The following AP5Z1 variants were observed in gnomAD, a reference collection of about 807,000 sequenced individuals.
AP5Z1 encodes the protein adaptor related protein complex 5 subunit zeta 1, also known as AP-5 complex subunit zeta-1.
A neutral mutation model predicts 83.0 loss-of-function variants in AP5Z1; 106 were observed. That is an observed-to-expected ratio of 1.28 (90% CI 1.09 to 1.50). The LOEUF (loss-of-function observed/expected upper bound fraction) is 1.50. Ranked by LOEUF, AP5Z1 falls within the 40% of genes most tolerant of loss-of-function variation. AP5Z1 has a pLI of 0.00. For synonymous variants in AP5Z1, 751 were observed against 514.1 expected (o/e 1.46, Z -6.23); for missense variants, 1,565 against 1,094.2 (o/e 1.43, Z -6.07).
At chr7:4,787,255 G>C (rs1781576199) in intron 10 of AP5Z1, among the ~76,000 whole-genome samples, 1 of 151,990 alleles carries the variant, frequency 6.6e-6, no homozygotes, top group Non-Finnish European at 1.5e-5. Context: ...CACCTCGGGA[G>C]GCCAAGGCAG....
intron 16 of AP5Z1, 27 bp from the exon 17 acceptor site, chr7:4,791,088 G>C: frequency 1.3e-6 from 2 of 1,544,382 alleles, no homozygotes; most frequent in Non-Finnish European, 1.7e-6. Context: ...AGCATCTGCA[G>C]CTGACGGAGG....
chr7:4,788,007 C>CCCAGGCCTGGAGCCT (rs1228336057), intron 11 of AP5Z1, 147 bp from the exon 12 acceptor site: 1 of 1,323,756 alleles, frequency 7.6e-7, no homozygotes, highest in Non-Finnish European at 1.0e-6. Flanking sequence ...CGTCTTCACG[C>CCCAGGCCTGGAGCCT]CCAGGCCTGG....
intron 13 of AP5Z1, among the ~76,000 whole-genome samples, chr7:4,789,414 A>C (rs554691420): frequency 2.3e-4 from 35 of 151,970 alleles, no homozygotes; most frequent in African/African-American, 8.2e-4. Flanking sequence ...GCCAAAATAA[A>C]GGCTCCCACA....
chr7:4,788,068 G>A lies in AP5Z1; in HGVS notation c.1455-86G>A, dbSNP rs941031925. 36 of 1,443,868 alleles carry A rather than the reference G, an allele frequency of 2.5e-5. 1 individual carries two copies. In the African/African-American group the frequency reaches 4.0e-4, roughly 16 times the overall value. 89.4% of individuals were successfully genotyped at this position (1,443,868 alleles called of 1,614,324 possible). On this transcript the variant is annotated intron_variant, in intron 11 of 16. Coordinates refer to ENST00000649063, the MANE Select transcript of AP5Z1 (RefSeq NM_014855.3). Reference sequence around the variant, plus strand: ...GCACCCGAGGTGCTGTGATATTAGGGACACCTGCCGTGTGTCTCCCTGACG... The same window carrying A: ...GCACCCGAGGTGCTGTGATATTAGGAACACCTGCCGTGTGTCTCCCTGACG...
chr7:4,783,847 C>A (rs1411713654), intron 5 of AP5Z1, 49 bp downstream of exon 5: 6 of 1,514,616 alleles, frequency 4.0e-6, no homozygotes, highest in Non-Finnish European at 4.4e-6. Flanking sequence ...TCACAGACAA[C>A]CCCTCCCTGA....
intron 6 of AP5Z1, 85 bp downstream of exon 6, chr7:4,784,456 G>C: frequency 1.0e-5 from 15 of 1,440,164 alleles, no homozygotes; most frequent in Non-Finnish European, 1.4e-5. Flanking sequence ...GGGCGGAGGT[G>C]GGGGGACTCG....
chr7:4,777,602 T>A (rs999822058), intron 1 of AP5Z1, among the ~76,000 whole-genome samples: 1 of 152,152 alleles, frequency 6.6e-6, no homozygotes, highest in Admixed American at 6.5e-5. Context: ...TTGTCCAGGC[T>A]GGTCTCGAAT....
At chr7:4,786,479 G>A (rs927321562) in intron 10 of AP5Z1, 51 bp downstream of exon 10, 2 of 1,594,696 alleles carry the variant, frequency 1.3e-6, no homozygotes, top group Admixed American at 3.4e-5. Context: ...TAAGTCCCTG[G>A]GGCTCCTCCC....
rs773309482 is a variant in AP5Z1, at chr7:4,784,942, G to A, written c.825G>A (p.Ser275=). 46 of 1,611,824 alleles carry A rather than the reference G, an allele frequency of 2.9e-5. No individual in the cohort carries two copies. The highest frequency in any genetic ancestry group is 1.6e-4 in the South Asian group (15 of 90,960). The change falls in exon 7 of 17, where the codon TCG becomes TCA. Residue 275 remains serine (S), a synonymous_variant. Transcript: ENST00000649063. ...DRSEQEGSTL[S]VISATSSAGR... is the part of the protein sequence containing the mutation. ...CAGAGCAGGAGGGCTCCACTCTGTC[G>A]GTGATCTCCGCCACCTCCTCTGCCG...
Position 4,787,654 on chromosome 7 carries a change from AC to A in AP5Z1, c.1336del (p.Leu446SerfsTer31). The A allele has an allele frequency of 1.3e-6, 2 of 1,552,960 alleles. No homozygotes were observed. On this transcript the variant is annotated frameshift_variant, in exon 11 of 17. Coordinates refer to ENST00000649063, the MANE Select transcript of AP5Z1 (RefSeq NM_014855.3). LOFTEE classifies it high-confidence loss of function. ...LFKFLAWNSP[P>X]LTSEFVALLP... ...CACAGTTCCTGGCCTGGAACAGCCC[AC>A]CCCTCACCTCCGAGTTTGTGGCGCT...
At chr7:4,781,839 C>T (rs371685917) in intron 3 of AP5Z1, 85 bp downstream of exon 3, 33 of 1,394,812 alleles carry the variant, frequency 2.4e-5, no homozygotes, top group East Asian at 1.5e-4. Context: ...GCGCCAGAGC[C>T]GGCAGGTGGC....
intron 1 of AP5Z1, among the ~76,000 whole-genome samples, chr7:4,777,745 G>A (rs955958799): frequency 1.3e-5 from 2 of 152,142 alleles, no homozygotes; most frequent in South Asian, 2.1e-4. Context: ...GTGGGCAGCC[G>A]TTTTTGAGGA....
chr7:4,788,828 C>G lies in AP5Z1; in HGVS notation c.1596-12C>G. On this transcript the variant is annotated splice_polypyrimidine_tract_variant and intron_variant, in intron 12 of 16. Coordinates refer to ENST00000649063, the MANE Select transcript of AP5Z1 (RefSeq NM_014855.3). Reference sequence around the variant, plus strand: ...GGAGCGGGCAGCACTCACGGCCACACTGTGTCCTCAGGTTGGCGCCACTCC... The same window carrying G: ...GGAGCGGGCAGCACTCACGGCCACAGTGTGTCCTCAGGTTGGCGCCACTCC... The G allele has an allele frequency of 1.9e-6, 3 of 1,595,246 alleles. No individual in the cohort carries two copies. The highest frequency in any genetic ancestry group is 2.6e-6 in the Non-Finnish European group (3 of 1,171,208).
At chr7:4,789,990 T>TCCCCCCCCCCCCC in intron 14 of AP5Z1, 61 bp downstream of exon 14, 2 of 733,588 alleles carry the variant, frequency 2.7e-6, no homozygotes, top group Non-Finnish European at 1.7e-6. Context: ...CTCCTCCCCC[T>TCCCCCCCCCCCCC]CTCCCCTCCC....
rs138305170 is a variant in AP5Z1, at chr7:4,784,784, C to T, written c.791-124C>T. Reference sequence around the variant, plus strand: ...GTGGGTGGACGTCCTGAGACGGTGACGCCTCACGCCTCCCGGGAGGGGCTG... The same window carrying T: ...GTGGGTGGACGTCCTGAGACGGTGATGCCTCACGCCTCCCGGGAGGGGCTG... On this transcript the variant is annotated intron_variant, in intron 6 of 16. Coordinates refer to ENST00000649063, the MANE Select transcript of AP5Z1 (RefSeq NM_014855.3). 6.9e-4 allele frequency: 908 copies of T among 1,315,648 alleles called. 3 individuals carry two copies. The African/African-American group carries it at 9.9e-3, about 14-fold the overall frequency. 81.5% of individuals were successfully genotyped at this position (1,315,648 alleles called of 1,614,324 possible).
chr7:4,788,253 C>T lies in AP5Z1; in HGVS notation c.1554C>T (p.Phe518=), dbSNP rs77560694. 7,090 of 1,588,518 alleles carry T rather than the reference C, an allele frequency of 4.5e-3. 244 individuals carry two copies. In the African/African-American group the frequency reaches 0.079, roughly 18 times the overall value. ...AFRDPQFQGL[F]QYLLRPKASG... ...GGGACCCGCAGTTCCAGGGTCTTTT[C>T]CAATACCTGCTGCGCCCCAAGGCCA... Residue 518 remains phenylalanine (F), a synonymous_variant, in exon 12 of 17, where the codon TTC becomes TTT. Transcript: ENST00000649063.
chr7:4,792,796 G>A lies in AP5Z1; in HGVS notation c.*1411G>A, dbSNP rs1306025228. ...CGTGTACAACTGTGCATACCAAGGCGTGCGTGCCAGTGCGCGGGTCTCGGG... is the reference window on the plus strand; with the variant it reads ...CGTGTACAACTGTGCATACCAAGGCATGCGTGCCAGTGCGCGGGTCTCGGG... On this transcript the variant is annotated 3_prime_UTR_variant, in exon 17 of 17. Coordinates refer to ENST00000649063, the MANE Select transcript of AP5Z1 (RefSeq NM_014855.3). 2 of 152,332 alleles carry A rather than the reference G, an allele frequency of 1.3e-5. No homozygotes were observed. The highest frequency in any genetic ancestry group is 2.4e-5 in the African/African-American group (1 of 41,474). 9.4% of individuals were successfully genotyped at this position (152,332 alleles called of 1,614,324 possible). A position where few individuals can be genotyped will look rare whatever the true frequency, so the allele number is the denominator to read the frequency against.
In AP5Z1 at chr7:4,793,593, G is replaced by C. The variant is rs1781857861; in HGVS notation, c.*2208G>C. ...TGCGGGCCAGCGCGAGTTCCGGGTG[G>C]GCGTGGGCTCTGTGGGCCCCGCACT... is the stretch of plus-strand genomic sequence containing the variant. On this transcript the variant is annotated 3_prime_UTR_variant, in exon 17 of 17. Coordinates refer to ENST00000649063, the MANE Select transcript of AP5Z1 (RefSeq NM_014855.3). The C allele has an allele frequency of 1.3e-5, 2 of 152,468 alleles. No homozygotes were observed. Among genetic ancestry groups the C allele is most frequent in the Admixed American group, 6.5e-5 (1 of 15,292 alleles). The allele number at this position is 152,468 out of a possible 1,614,324, so 9.4% of individuals were successfully genotyped here.
chr7:4,783,619 C>A, intron 4 of AP5Z1, 70 bp from the exon 5 acceptor site: 1 of 1,508,558 alleles, frequency 6.6e-7, no homozygotes, highest in Non-Finnish European at 9.0e-7. Flanking sequence ...GAAAAGTCGG[C>A]CAGCATCCCA....
Sources: gnomAD v4.1 joint callset for allele counts (sites outside exome capture counted in the v4.1 genomes callset) on GRCh38, gnomAD v4.1.1 for gene constraint, MANE v1.5 for transcripts, NCBI Gene and HGNC (gene_info 2026-07-23, HGNC 2026-07-21) for gene names.